Variants in NEBL observed in about 807,000 individuals in gnomAD.
The protein encoded by NEBL is nebulette, also known as LIM and SH3 protein 2.
A neutral mutation model predicts 140.2 loss-of-function variants in NEBL; 122 were observed. That is an observed-to-expected ratio of 0.87 (90% CI 0.75 to 1.01). The LOEUF (loss-of-function observed/expected upper bound fraction) is 1.01, where lower values mean the gene tolerates loss of function less well. Ranked by LOEUF, NEBL falls within the 50% of genes least tolerant of loss-of-function variation. NEBL has a pLI of 0.00. For synonymous variants in NEBL, 436 were observed against 398.9 expected (o/e 1.09, Z -1.11); for missense variants, 1,365 against 1,231.3 (o/e 1.11, Z -1.62).
intron 2 of NEBL, among the ~76,000 whole-genome samples, chr10:21,091,629 T>C (rs1836916588): frequency 6.6e-6 from 1 of 152,144 alleles, no homozygotes; most frequent in Non-Finnish European, 1.5e-5. Flanking sequence ...CATTTTATTA[T>C]ATTATTTGGG....
At chr10:20,899,514 C>T (rs191835227), upstream of NEBL, 41 of 919,342 alleles carry the variant, frequency 4.5e-5, no homozygotes, top group African/African-American at 8.8e-5. Flanking sequence ...CCAAACACCA[C>T]GTGCAATGTG....
chr10:21,054,167 A>C (rs974915790), intron 2 of NEBL, among the ~76,000 whole-genome samples: 1 of 152,210 alleles, frequency 6.6e-6, no homozygotes, highest in South Asian at 2.1e-4. Flanking sequence ...GACTCATCAA[A>C]TAGTGCTGTG....
chr10:21,089,973 C>T (rs960362972), intron 2 of NEBL, among the ~76,000 whole-genome samples: 1 of 152,072 alleles, frequency 6.6e-6, no homozygotes, highest in Admixed American at 6.6e-5. Context: ...TACAAATGGC[C>T]TCTATGTTGA....
exon 1 of NEBL, chr10:21,174,019 G>C (rs928134533): frequency 8.6e-7 from 1 of 1,156,932 alleles, no homozygotes; most frequent in Non-Finnish European, 1.1e-6. Context: ...CTGGCGCCTG[G>C]GGCCGGCCGC....
At chr10:21,144,682 AT>A (rs1839807930) in intron 2 of NEBL, among the ~76,000 whole-genome samples, 2 of 152,066 alleles carry the variant, frequency 1.3e-5, no homozygotes. Flanking sequence ...AGCCGAGATC[AT>A]GTCACTGCAC....
intron 2 of NEBL, among the ~76,000 whole-genome samples, chr10:21,251,417 T>G (rs746030584): frequency 2.6e-5 from 4 of 152,176 alleles, no homozygotes; most frequent in Non-Finnish European, 4.4e-5. Flanking sequence ...TCAATCTCTT[T>G]CAGATGAATG....
intron 1 of NEBL, among the ~76,000 whole-genome samples, chr10:21,256,584 C>A (rs2359929): frequency 0.31 from 47,373 of 151,982 alleles, 10,573 homozygotes; most frequent in African/African-American, 0.63. Context: ...TAATCCCAGC[C>A]CTTTGGGAGG....
intron 3 of NEBL, among the ~76,000 whole-genome samples, chr10:20,962,451 C>T (rs1836096585): frequency 6.6e-6 from 1 of 152,186 alleles, no homozygotes; most frequent in Admixed American, 6.5e-5. Context: ...TCACACATGC[C>T]CTTGGCATAC....
intron 2 of NEBL, among the ~76,000 whole-genome samples, chr10:21,075,733 C>T (rs907860581): frequency 6.6e-6 from 1 of 152,172 alleles, no homozygotes; most frequent in Non-Finnish European, 1.5e-5. Context: ...CCATTTAAAT[C>T]GTCAGTCCAC....
rs1266968954 is a variant in NEBL at position 20,812,816 on chromosome 10, A to G, written c.2471T>C (p.Val824Ala). 1.9e-6 allele frequency: 3 copies of G among 1,613,694 alleles called. No individual in the cohort carries two copies. Among genetic ancestry groups the G allele is most frequent in the East Asian group, 4.5e-5 (2 of 44,820 alleles). Residue 824 changes from valine to alanine, a missense_variant, in exon 24 of 28, where the codon GTC becomes GCC. Physicochemically the swap from Val to Ala is moderately conservative, Grantham distance 64. Transcript: ENST00000377122. Reference protein sequence around the residue: ...QVVSDAAYKGVHPHIVEMDRR... With the variant: ...QVVSDAAYKGAHPHIVEMDRR... Reference sequence around the variant, plus strand: ...GTCCATCTCCACGATGTGAGGGTGGACCCCTTTATAGGCAGCATCGCTGAC... The same window carrying G: ...GTCCATCTCCACGATGTGAGGGTGGGCCCCTTTATAGGCAGCATCGCTGAC...
At chr10:20,813,055 T>G (rs1838336899) in intron 23 of NEBL, 115 bp from the exon 24 acceptor site, 2 of 864,680 alleles carry the variant, frequency 2.3e-6, no homozygotes, top group Non-Finnish European at 3.8e-6. Context: ...TCTACATGTA[T>G]GTATCTTTTC....
rs1321527998 is a variant in NEBL, at chr10:20,935,365, G to A, written c.357+26307C>T. ...TGGCAACTGTGAGCCTACAAGTGACGCTAATATCAAGTAAGGCAGCAGACG... is the reference window on the plus strand; with the variant it reads ...TGGCAACTGTGAGCCTACAAGTGACACTAATATCAAGTAAGGCAGCAGACG... On this transcript the variant is annotated intron_variant, in intron 4 of 6. Coordinates refer to the NEBL transcript ENST00000417816. Among the ~76,000 whole-genome samples, 7 of 152,130 alleles carry A rather than the reference G, an allele frequency of 4.6e-5. 1 individual carries two copies. In the South Asian group the frequency reaches 6.2e-4, roughly 14 times the overall value.
chr10:21,123,374 A>G (rs1372217639), intron 2 of NEBL, among the ~76,000 whole-genome samples: 1 of 152,182 alleles, frequency 6.6e-6, no homozygotes. Context: ...CAACAATATA[A>G]TTTGAGGATA....
At chr10:21,143,208 G>A (rs539444961) in intron 2 of NEBL, among the ~76,000 whole-genome samples, 339 of 152,166 alleles carry the variant, frequency 2.2e-3, no homozygotes, top group Non-Finnish European at 3.4e-3. Flanking sequence ...CAGCACTTTA[G>A]GAGGCCAAGG....
At chr10:21,176,969 A>C (rs1841310808), upstream of NEBL, among the ~76,000 whole-genome samples, 1 of 152,280 alleles carries the variant, frequency 6.6e-6, no homozygotes, top group South Asian at 2.1e-4. Flanking sequence ...GTTTTAAAGC[A>C]TAACTAATAT....
At chr10:20,837,280 A>T (rs1373072942) in intron 13 of NEBL, among the ~76,000 whole-genome samples, 2 of 152,240 alleles carry the variant, frequency 1.3e-5, no homozygotes, top group African/African-American at 2.4e-5. Flanking sequence ...CACATGAATT[A>T]TAAGAATGTG....
chr10:20,918,098 C>T (rs1376916104), intron 4 of NEBL, among the ~76,000 whole-genome samples: 3 of 152,140 alleles, frequency 2.0e-5, no homozygotes, highest in African/African-American at 4.8e-5. Flanking sequence ...GTGACTCATG[C>T]CTGTAATCCC....
In NEBL at chr10:20,840,845, T is replaced by C; in HGVS notation, c.1232A>G (p.Glu411Gly). Residue 411 changes from glutamate (E) to glycine (G), a missense_variant, in exon 13 of 28, where the codon GAA becomes GGA. Physicochemically the swap from Glu to Gly is moderately conservative, Grantham distance 98. Transcript: ENST00000377122. ...CTCATTTTCCAAATCTTTTTTATAT[T>C]CTTTCTATGAGACAAGAATATCACA... ...KYITNLLREK[E>G]YKKDLENEIK... 1 of 1,538,864 alleles carries C rather than the reference T, an allele frequency of 6.5e-7. No individual in the cohort carries two copies. Among genetic ancestry groups the C allele is most frequent in the Non-Finnish European group, 9.0e-7 (1 of 1,114,648 alleles).
intron 2 of NEBL, among the ~76,000 whole-genome samples, chr10:21,167,910 T>C (rs1049421694): frequency 1.3e-5 from 2 of 152,196 alleles, no homozygotes; most frequent in Non-Finnish European, 2.9e-5. Context: ...TGCCTGCTTA[T>C]GAAACATAAA....
Sources: gnomAD v4.1 joint callset for allele counts (sites outside exome capture counted in the v4.1 genomes callset) on GRCh38, gnomAD v4.1.1 for gene constraint, MANE v1.5 for transcripts, NCBI Gene and HGNC (gene_info 2026-07-23, HGNC 2026-07-21) for gene names.